The following ARHGAP24 variants were observed in gnomAD, a reference collection of about 807,000 sequenced individuals.
ARHGAP24 encodes rho GTPase-activating protein 24.
ARHGAP24 carries 50 observed loss-of-function variants against 76.4 expected under a neutral mutation model. That is an observed-to-expected ratio of 0.65 (90% CI 0.52 to 0.83). The LOEUF (loss-of-function observed/expected upper bound fraction) is 0.83. Ranked by LOEUF, ARHGAP24 falls within the 40% of genes least tolerant of loss-of-function variation. The pLI is 0.00. For synonymous variants in ARHGAP24, 345 were observed against 323.3 expected (o/e 1.07, Z -0.72); for missense variants, 930 against 914.2 (o/e 1.02, Z -0.22).
chr4:85,923,832 C>A (rs1039702473), intron 4 of ARHGAP24, 62 bp downstream of exon 4: 5 of 1,610,346 alleles, frequency 3.1e-6, no homozygotes, highest in Non-Finnish European at 4.2e-6. Context: ...CATCCCTTTC[C>A]CCCAGCGAAT....
intron 3 of ARHGAP24, among the ~76,000 whole-genome samples, chr4:85,867,335 T>A (rs112202343): frequency 3.0e-4 from 46 of 152,240 alleles, no homozygotes; most frequent in African/African-American, 8.2e-4. Context: ...GTAATATGGA[T>A]CTTATTGTCA....
At chr4:85,978,849 C>T (rs1304106662) in intron 8 of ARHGAP24, among the ~76,000 whole-genome samples, 1 of 152,100 alleles carries the variant, frequency 6.6e-6, no homozygotes, top group Non-Finnish European at 1.5e-5. Context: ...GTCTGTCATC[C>T]TAATATCCAG....
At chr4:85,665,758 T>TA (rs1267748499) in intron 2 of ARHGAP24, among the ~76,000 whole-genome samples, 9 of 152,198 alleles carry the variant, frequency 5.9e-5, no homozygotes, top group African/African-American at 2.2e-4. Flanking sequence ...AGGATTTTAT[T>TA]TCTCCTTCAC....
chr4:85,948,238 A>T (rs1737402748), intron 5 of ARHGAP24, among the ~76,000 whole-genome samples: 1 of 152,174 alleles, frequency 6.6e-6, no homozygotes, highest in Non-Finnish European at 1.5e-5. Context: ...ATGTAGGAGA[A>T]ATGTTCATTT....
chr4:85,795,664 A>C (rs28544562), intron 3 of ARHGAP24, among the ~76,000 whole-genome samples: 1 of 151,948 alleles, frequency 6.6e-6, no homozygotes, highest in East Asian at 1.9e-4. Context: ...TTATTTTGTA[A>C]TTTTAACATG....
intron 3 of ARHGAP24, among the ~76,000 whole-genome samples, chr4:85,857,417 A>G (rs569984367): frequency 2.6e-5 from 4 of 152,380 alleles, no homozygotes; most frequent in South Asian, 4.1e-4. Context: ...ATAAGAATGT[A>G]TCACATACAT....
At chr4:85,966,732 G>A (rs1470291294) in intron 5 of ARHGAP24, among the ~76,000 whole-genome samples, 2 of 152,132 alleles carry the variant, frequency 1.3e-5, no homozygotes, top group African/African-American at 4.8e-5. Flanking sequence ...TCAGTCTCAT[G>A]TACGTTCTCC....
chr4:85,699,957 T>C (rs957756080), intron 2 of ARHGAP24, among the ~76,000 whole-genome samples: 1 of 152,192 alleles, frequency 6.6e-6, no homozygotes, highest in African/African-American at 2.4e-5. Flanking sequence ...ATATTACATT[T>C]ATCCATTAAA....
At chr4:85,572,940 G>A (rs1383363017) in intron 2 of ARHGAP24, among the ~76,000 whole-genome samples, 5 of 142,604 alleles carry the variant, frequency 3.5e-5, no homozygotes, top group Non-Finnish European at 6.0e-5. Flanking sequence ...GCGGTGGTGC[G>A]ATCTCGGCTC....
chr4:85,996,323 A>C (rs553580346), intron 9 of ARHGAP24, among the ~76,000 whole-genome samples: 2 of 152,240 alleles, frequency 1.3e-5, no homozygotes, highest in Non-Finnish European at 2.9e-5. Flanking sequence ...ACTGTAGCCT[A>C]AATGAGGAAA....
intron 2 of ARHGAP24, among the ~76,000 whole-genome samples, chr4:85,692,551 A>G (rs1401463607): frequency 6.6e-6 from 1 of 151,886 alleles, no homozygotes; most frequent in Non-Finnish European, 1.5e-5. Context: ...TTTTTGTCTG[A>G]GTTGATTCAA....
chr4:85,942,342 C>T, intron 5 of ARHGAP24, 69 bp downstream of exon 5: 7 of 1,525,366 alleles, frequency 4.6e-6, no homozygotes, highest in Non-Finnish European at 6.4e-6. Flanking sequence ...ATGCAGTGAG[C>T]TGAGGAGGCA....
At chr4:85,588,320 T>C (rs1727945899) in intron 2 of ARHGAP24, among the ~76,000 whole-genome samples, 1 of 152,212 alleles carries the variant, frequency 6.6e-6, no homozygotes, top group African/African-American at 2.4e-5. Flanking sequence ...ATGTAATAGT[T>C]TTCATTTGTT....
intron 1 of ARHGAP24, among the ~76,000 whole-genome samples, chr4:85,486,372 G>A (rs1723051148): frequency 6.6e-6 from 1 of 152,118 alleles, no homozygotes; most frequent in African/African-American, 2.4e-5. Flanking sequence ...GTGTATGATG[G>A]TCCGTCACTA....
chr4:85,496,262 C>A (rs1431376792), intron 1 of ARHGAP24, among the ~76,000 whole-genome samples: 2 of 152,196 alleles, frequency 1.3e-5, no homozygotes, highest in Non-Finnish European at 2.9e-5. Context: ...CATTTTCACC[C>A]TTTTCCTGCC....
At chr4:85,552,649 T>A (rs551146696) in intron 1 of ARHGAP24, among the ~76,000 whole-genome samples, 6 of 152,198 alleles carry the variant, frequency 3.9e-5, no homozygotes, top group Admixed American at 6.5e-5. Context: ...TGTGTAGAAA[T>A]CTTACTCTCT....
At chr4:85,684,870 T>C (rs765843028) in intron 2 of ARHGAP24, among the ~76,000 whole-genome samples, 1 of 152,230 alleles carries the variant, frequency 6.6e-6, no homozygotes, top group Non-Finnish European at 1.5e-5. Context: ...CAAGCTCTAC[T>C]TGGCATACCC....
At chr4:85,997,355 A>G (rs1223462430) in intron 9 of ARHGAP24, among the ~76,000 whole-genome samples, 1 of 132,260 alleles carries the variant, frequency 7.6e-6, no homozygotes, top group Non-Finnish European at 1.5e-5. Context: ...GAGATAGATA[A>G]TAGATAGATG....
chr4:85,633,344 A>G (rs919088363), intron 2 of ARHGAP24, among the ~76,000 whole-genome samples: 5 of 151,924 alleles, frequency 3.3e-5, no homozygotes, highest in Admixed American at 2.6e-4. Context: ...TTAGAAAGTT[A>G]CCCAGTACAA....
Sources: allele counts gnomAD v4.1 joint callset (sites outside exome capture counted in the v4.1 genomes callset), GRCh38; gene constraint gnomAD v4.1.1; transcripts MANE v1.5; gene names NCBI Gene and HGNC (gene_info 2026-07-23, HGNC 2026-07-21).